CAMTA1: variants seen among roughly 807,000 people sequenced by gnomAD.
CAMTA1 encodes the protein calmodulin-binding transcription activator 1.
CAMTA1 carries 27 observed loss-of-function variants against 170.9 expected under a neutral mutation model. That is an observed-to-expected ratio of 0.16 (90% confidence interval 0.12 to 0.22). The LOEUF (loss-of-function observed/expected upper bound fraction) is 0.22, where lower values mean the gene tolerates loss of function less well. Ranked by LOEUF, CAMTA1 falls within the 10% of genes least tolerant of loss-of-function variation. The probability of loss-of-function intolerance (pLI) is 1.00; values close to 1 mark genes in which losing one functional copy is unlikely to be tolerated. For synonymous variants in CAMTA1, 833 were observed against 891.5 expected, an observed-to-expected ratio of 0.93 and a Z score of 1.17; for missense variants, 1,619 against 2,217.2, an observed-to-expected ratio of 0.73 and a Z score of 5.42.
intron 3 of CAMTA1, among the ~76,000 whole-genome samples, chr1:7,066,315 C>T (rs1403060902): frequency 1.3e-5 from 2 of 152,210 alleles, no homozygotes; most frequent in Non-Finnish European, 2.9e-5. Flanking sequence ...TGTCTCATCT[C>T]AGGTGGGCTG....
intron 17 of CAMTA1, 88 bp downstream of exon 17, chr1:7,745,110 G>C: frequency 7.9e-7 from 1 of 1,263,758 alleles, no homozygotes; most frequent in Non-Finnish European, 1.1e-6. Context: ...GATGAATGCC[G>C]TGTCATAGAA....
chr1:7,493,522 G>T (rs560029757), intron 6 of CAMTA1, among the ~76,000 whole-genome samples: 1 of 152,162 alleles, frequency 6.6e-6, no homozygotes, highest in African/African-American at 2.4e-5. Context: ...CACGCGCAGG[G>T]GCACACATAA....
intron 3 of CAMTA1, among the ~76,000 whole-genome samples, chr1:7,088,886 G>T (rs1360011863): frequency 6.6e-6 from 1 of 152,200 alleles, no homozygotes; most frequent in African/African-American, 2.4e-5. Context: ...GACTCCAGCC[G>T]CAGTGTGCTC....
At chr1:6,947,942 A>G (rs1687838778) in intron 3 of CAMTA1, among the ~76,000 whole-genome samples, 1 of 152,172 alleles carries the variant, frequency 6.6e-6, no homozygotes, top group Non-Finnish European at 1.5e-5. Flanking sequence ...AGGATTTTCT[A>G]CATACAAGAT....
At chr1:7,621,887 G>C (rs192263741) in intron 6 of CAMTA1, among the ~76,000 whole-genome samples, 44 of 152,318 alleles carry the variant, frequency 2.9e-4, no homozygotes, top group Non-Finnish European at 5.6e-4. Flanking sequence ...GCTCGGCCAC[G>C]TCTCGGCTCC....
intron 2 of CAMTA1, among the ~76,000 whole-genome samples, chr1:6,821,139 A>C (rs1421800068): frequency 6.6e-6 from 1 of 152,240 alleles, no homozygotes; most frequent in African/African-American, 2.4e-5. Context: ...ATTGTTAAAT[A>C]GCAAAACTAA....
intron 6 of CAMTA1, among the ~76,000 whole-genome samples, chr1:7,637,666 A>G (rs2095724053): frequency 1.3e-5 from 2 of 152,062 alleles, no homozygotes; most frequent in African/African-American, 2.4e-5. Context: ...TCCTGGCAGG[A>G]CCCGAACCTG....
At chr1:7,353,449 G>A (rs1294772521) in intron 5 of CAMTA1, among the ~76,000 whole-genome samples, 7 of 146,610 alleles carry the variant, frequency 4.8e-5, no homozygotes, top group African/African-American at 1.5e-4. Flanking sequence ...TTTTGAGACG[G>A]AGTTTTACTC....
chr1:7,498,617 GCA>G (rs1413244503), intron 6 of CAMTA1, among the ~76,000 whole-genome samples: 1 of 152,104 alleles, frequency 6.6e-6, no homozygotes, highest in Non-Finnish European at 1.5e-5. Flanking sequence ...ACATCTGTGT[GCA>G]GTGTGTGTAT....
rs12134334 is a variant in CAMTA1, at chr1:7,456,687, C to G, written c.439-11143C>G. Among the ~76,000 whole-genome samples the G allele has an allele frequency of 0.13, 19,730 of 152,234 alleles. 1,686 individuals carry two copies. Among genetic ancestry groups the G allele is most frequent in the African/African-American group, 0.25 (10,191 of 41,512 alleles). Reference sequence around the variant, plus strand: ...GGTATCAGGACAGATTTCTGAGACACGAAAGGTGCAGGTCTCCAGCTCCCG... The same window carrying G: ...GGTATCAGGACAGATTTCTGAGACAGGAAAGGTGCAGGTCTCCAGCTCCCG... On this transcript the variant is annotated intron_variant, in intron 5 of 22. Coordinates refer to ENST00000303635, the MANE Select transcript of CAMTA1 (RefSeq NM_015215.4). This position sits in a 1 kb window ranked among gnomAD's most constrained non-coding sequence, Gnocchi z 4.9.
chr1:7,750,549 C>T (rs988226698), intron 19 of CAMTA1, among the ~76,000 whole-genome samples: 3 of 152,256 alleles, frequency 2.0e-5, no homozygotes, highest in Admixed American at 6.5e-5. Context: ...AGCTCTGCAG[C>T]GGGCTGCGTG....
intron 5 of CAMTA1, among the ~76,000 whole-genome samples, chr1:7,369,849 C>CT (rs2086302974): frequency 6.6e-6 from 1 of 152,128 alleles, no homozygotes; most frequent in African/African-American, 2.4e-5. Context: ...CAGTCCCCTC[C>CT]TAGGAGCCCA....
At chr1:6,977,053 C>T (rs1346781830) in intron 3 of CAMTA1, among the ~76,000 whole-genome samples, 3 of 152,178 alleles carry the variant, frequency 2.0e-5, no homozygotes, top group African/African-American at 4.8e-5. Flanking sequence ...GTCCCTTAAA[C>T]CTCTTTCCTT....
In CAMTA1 at chr1:7,113,003, C is replaced by G. The variant is rs1644156753; in HGVS notation, c.302+21632C>G. Among the ~76,000 whole-genome samples, 2 of 152,230 alleles carry G rather than the reference C, an allele frequency of 1.3e-5. No homozygotes were observed. The highest frequency in any genetic ancestry group is 4.8e-5 in the African/African-American group (2 of 41,460). Reference sequence around the variant, plus strand: ...CATTGGTGGAAACCTTTCCCGGCAGCCTCACGTCTGCTTTTCAGGTACTCT... The same window carrying G: ...CATTGGTGGAAACCTTTCCCGGCAGGCTCACGTCTGCTTTTCAGGTACTCT... On this transcript the variant is annotated intron_variant, in intron 4 of 22. Transcript: ENST00000303635. The surrounding 1 kb of genome is among the most constrained non-coding windows in gnomAD (Gnocchi z 4.5).
chr1:7,355,378 C>T (rs559308809), intron 5 of CAMTA1, among the ~76,000 whole-genome samples: 2 of 152,260 alleles, frequency 1.3e-5, no homozygotes, highest in South Asian at 2.1e-4. Flanking sequence ...GAGCAAGACC[C>T]TGTCTCAAAA....
At position 7,665,992 on chromosome 1, in the gene CAMTA1, A is replaced by AC. The variant is rs2095997710; in HGVS notation, c.2652+797dup. ...AGACTAGCCTGGCCAACATGGTGAA[A>AC]CCCCGTCTCTACTAAAAATACAAAA... On this transcript the variant is annotated intron_variant, in intron 9 of 22. Transcript: ENST00000303635. The surrounding 1 kb of genome is among the most constrained non-coding windows in gnomAD (Gnocchi z 4.3). Among the ~76,000 whole-genome samples, 1 of 151,884 alleles carries AC rather than the reference A, an allele frequency of 6.6e-6. No homozygotes were observed. Among genetic ancestry groups the AC allele is most frequent in the Non-Finnish European group, 1.5e-5 (1 of 67,980 alleles).
intron 3 of CAMTA1, among the ~76,000 whole-genome samples, chr1:6,998,104 G>A (rs993660528): frequency 4.7e-5 from 7 of 150,022 alleles, no homozygotes; most frequent in South Asian, 2.1e-4. Flanking sequence ...TTGAGATGGA[G>A]TCTCGCTCTG....
rs924445736 is a variant in CAMTA1, at chr1:7,634,738, C to G, written c.511-5662C>G. ...AAGCAGCAGAAGTGCCCGCTGGAGG[C>G]TTAACTCTGCTCACCCTCTCAGGAA... On this transcript the variant is annotated intron_variant, in intron 6 of 22. Transcript: ENST00000303635. This position sits in a 1 kb window ranked among gnomAD's most constrained non-coding sequence, Gnocchi z 6.2. Among the ~76,000 whole-genome samples, 1 of 151,482 alleles carries G rather than the reference C, an allele frequency of 6.6e-6. No individual in the cohort carries two copies. Among genetic ancestry groups the G allele is most frequent in the African/African-American group, 2.4e-5 (1 of 41,190 alleles).
intron 3 of CAMTA1, among the ~76,000 whole-genome samples, chr1:6,919,452 G>A (rs1035717390): frequency 6.6e-6 from 1 of 152,212 alleles, no homozygotes; most frequent in Non-Finnish European, 1.5e-5. Flanking sequence ...ACAAGCCAGG[G>A]CAAGTTTTTG....
Sources: gnomAD v4.1 joint callset for allele counts (sites outside exome capture counted in the v4.1 genomes callset) on GRCh38, gnomAD v4.1.1 for gene constraint, Gnocchi (gnomAD v3.1) non-coding constraint, MANE v1.5 for transcripts, NCBI Gene and HGNC (gene_info 2026-07-23, HGNC 2026-07-21) for gene names.